The following PRRC2C variants were observed in gnomAD, a reference collection of about 807,000 sequenced individuals.
PRRC2C encodes the protein protein PRRC2C.
In PRRC2C, 72 loss-of-function variants were observed where a neutral mutation model predicts 317.2. The ratio of observed to expected loss-of-function variants is 0.23; its 90% CI spans 0.19 to 0.28. The LOEUF is 0.28. PRRC2C is among the 10% of genes least tolerant of loss of function. The pLI is 1.00. For synonymous variants in PRRC2C, 1,296 were observed against 1,205.9 expected, an observed-to-expected ratio of 1.07 and a Z score of -1.55; for missense variants, 3,074 against 3,459.7, an observed-to-expected ratio of 0.89 and a Z score of 2.80.
At chr1:171,510,325 A>T (rs1217795089) in intron 1 of PRRC2C, 1 of 152,212 alleles carries the variant, frequency 6.6e-6, no homozygotes, top group Non-Finnish European at 1.5e-5. Flanking sequence ...TGCTTGAGTA[A>T]TAATGGTGTT....
intron 31 of PRRC2C, 70 bp downstream of exon 31, chr1:171,587,291 G>A: frequency 7.3e-7 from 1 of 1,378,252 alleles, no homozygotes; most frequent in Non-Finnish European, 9.7e-7. Context: ...ATGCATCTGT[G>A]TTATCTAAAA....
In PRRC2C at chr1:171,504,223, C is replaced by G. The variant is rs141952163; in HGVS notation, c.-57-7809C>G. On this transcript the variant is annotated intron_variant, in intron 1 of 34. Coordinates refer to ENST00000647382, the MANE Select transcript of PRRC2C (RefSeq NM_001387844.1). ...GTTCTTTCTCAGATCTATGATTTGA[C>G]AATTTTTTTTCCAGACTCTAGTTTG... Among the ~76,000 whole-genome samples, 338 of 152,252 alleles carry G rather than the reference C, an allele frequency of 2.2e-3. 1 individual carries two copies. The highest frequency in any genetic ancestry group is 7.9e-3 in the African/African-American group (327 of 41,558).
Position 171,533,644 on chromosome 1 carries a change from A to G in PRRC2C, c.1873+683A>G, listed in dbSNP as rs150974019. On this transcript the variant is annotated intron_variant, in intron 12 of 34. Transcript: ENST00000647382. ...GTGGTGGTGGTTGTTGTTGTTTTTG[A>G]GACAGAGTCTCTCTCTGTCTCCAGG... 4.3e-3 allele frequency among the ~76,000 whole-genome samples: 651 copies of G among 152,124 alleles called. 5 individuals are homozygous for G. The highest frequency in any genetic ancestry group is 0.014 in the African/African-American group (601 of 41,492).
intron 30 of PRRC2C, among the ~76,000 whole-genome samples, chr1:171,584,886 C>A (rs1351987319): frequency 6.6e-6 from 1 of 152,108 alleles, no homozygotes; most frequent in Admixed American, 6.5e-5. Flanking sequence ...ATCCTTGCAC[C>A]GCAGCCTCCT....
chr1:171,582,299 A>G (rs186555472), intron 28 of PRRC2C, among the ~76,000 whole-genome samples: 34 of 152,330 alleles, frequency 2.2e-4, no homozygotes, highest in Admixed American at 2.2e-3. Context: ...TAGGGAGAAC[A>G]GGCCTTTTCA....
chr1:171,553,067 T>C (rs769515053), intron 18 of PRRC2C, among the ~76,000 whole-genome samples: 10 of 152,224 alleles, frequency 6.6e-5, no homozygotes, highest in Non-Finnish European at 8.8e-5. Context: ...TCTGGTAGAA[T>C]TCAGCTCTGA....
chr1:171,532,489 G>A lies in PRRC2C; in HGVS notation c.1401G>A (p.Arg467=), dbSNP rs749052691. Residue 467 remains arginine, a synonymous_variant, in exon 12 of 35, where the codon CGG becomes CGA. Transcript: ENST00000647382. ...CAGCAGTAGAACGTGCTCGTAAACG[G>A]CGTGAAGAGGAAGAGCGAAGAATGG... ...ISAAVERARK[R]REEEERRMEE... is the part of the protein sequence containing the mutation. 7.4e-6 allele frequency: 12 copies of A among 1,612,214 alleles called. No homozygotes were observed. The highest frequency in any genetic ancestry group is 8.5e-6 in the Non-Finnish European group (10 of 1,179,158).
intron 11 of PRRC2C, among the ~76,000 whole-genome samples, chr1:171,531,330 T>A (rs1196818109): frequency 2.0e-5 from 3 of 152,208 alleles, no homozygotes; most frequent in Non-Finnish European, 2.9e-5. Flanking sequence ...TTATGTAAAT[T>A]TTACTTTTAT....
intron 20 of PRRC2C, among the ~76,000 whole-genome samples, chr1:171,562,907 C>CT (rs1277438802): frequency 6.6e-6 from 1 of 152,080 alleles, no homozygotes; most frequent in Non-Finnish European, 1.5e-5. Flanking sequence ...AGTCTTGGGG[C>CT]TTTCTGACTC....
rs189394037 is a variant in PRRC2C, at chr1:171,541,438, T to C, written c.3972T>C (p.Tyr1324=). The part of the protein sequence containing the change: ...RIDNRLLEKP[Y]VRDDDKAKPG... ...ATAATAGACTGCTAGAAAAGCCTTATGTAAGGGATGACGATAAAGCTAAAC... is the reference window on the plus strand; with the variant it reads ...ATAATAGACTGCTAGAAAAGCCTTACGTAAGGGATGACGATAAAGCTAAAC... Residue 1324 remains tyrosine (Y), a synonymous_variant, in exon 16 of 35, where the codon TAT becomes TAC. Coordinates refer to ENST00000647382, the MANE Select transcript of PRRC2C (RefSeq NM_001387844.1). The surrounding 1 kb of genome is among the most constrained non-coding windows in gnomAD (Gnocchi z 4.1). 7.9e-5 allele frequency: 128 copies of C among 1,613,860 alleles called. No homozygotes were observed. The highest frequency in any genetic ancestry group is 5.5e-4 in the Admixed American group (33 of 60,002).
rs558338154 is a variant in PRRC2C at position 171,583,381 on chromosome 1, G to A, written c.7410-575G>A. ...AAACACACACATTAGGCTAGGCTAC[G>A]CAGGGCTAGGATCATCAATATACTT... On this transcript the variant is annotated intron_variant, in intron 28 of 34. Coordinates refer to ENST00000647382, the MANE Select transcript of PRRC2C (RefSeq NM_001387844.1). Among the ~76,000 whole-genome samples, 129 of 151,114 alleles carry A rather than the reference G, an allele frequency of 8.5e-4. 4 individuals are homozygous for A. In the South Asian group the frequency reaches 0.025, roughly 29 times the overall value.
At chr1:171,527,986 C>A in intron 11 of PRRC2C, 142 bp downstream of exon 11, 1 of 635,946 alleles carries the variant, frequency 1.6e-6, no homozygotes, top group Non-Finnish European at 2.8e-6. Context: ...TCTTACTCTT[C>A]ATCCTTTTCA....
intron 6 of PRRC2C, among the ~76,000 whole-genome samples, chr1:171,518,440 T>C (rs1333977888): frequency 6.6e-6 from 1 of 151,106 alleles, no homozygotes; most frequent in Non-Finnish European, 1.5e-5. Flanking sequence ...AGTTTCAAAG[T>C]TTTTATTTGT....
chr1:171,541,912 A>G lies in PRRC2C; in HGVS notation c.4446A>G (p.Thr1482=), dbSNP rs764882718. 1.5e-5 allele frequency: 25 copies of G among 1,613,860 alleles called. No homozygotes were observed. The highest frequency in any genetic ancestry group is 1.6e-5 in the Non-Finnish European group (19 of 1,179,808). Residue 1482 remains threonine (T), a synonymous_variant, in exon 16 of 35, where the codon ACA becomes ACG. Transcript: ENST00000647382. The surrounding 1 kb of genome is among the most constrained non-coding windows in gnomAD (Gnocchi z 4.1). ...TTGGGGATATTTCCGGGAATAAGAC[A>G]CCAGATTTATCTAATCAGAACTCTT... ...NTLGDISGNK[T]PDLSNQNSSD...
chr1:171,546,624 G>C (rs1021878628), intron 17 of PRRC2C, among the ~76,000 whole-genome samples: 2 of 152,154 alleles, frequency 1.3e-5, no homozygotes, highest in African/African-American at 4.8e-5. Flanking sequence ...TTTTGAGACA[G>C]AGACTTACTC....
chr1:171,575,993 C>A (rs1685637145), intron 25 of PRRC2C, among the ~76,000 whole-genome samples: 1 of 152,150 alleles, frequency 6.6e-6, no homozygotes, highest in African/African-American at 2.4e-5. Context: ...TAGGTTTATA[C>A]AAGTTATTTT....
chr1:171,586,524 G>C (rs1000337885), intron 30 of PRRC2C, among the ~76,000 whole-genome samples: 1 of 148,626 alleles, frequency 6.7e-6, no homozygotes, highest in African/African-American at 2.5e-5. Flanking sequence ...AAATATATTA[G>C]TAGATGGATG....
Position 171,592,606 on chromosome 1 carries a change from C to T in PRRC2C, c.*759C>T, listed in dbSNP as rs529300961. On this transcript the variant is annotated 3_prime_UTR_variant, in exon 35 of 35. Transcript: ENST00000647382. ...TCTCCTTTCTTCCATGGAGCTCTCA[C>T]GATTCAAACATGACAGATTTGGTAA... 2 of 152,306 alleles carry T rather than the reference C, an allele frequency of 1.3e-5. No homozygotes were observed. Among genetic ancestry groups the T allele is most frequent in the East Asian group, 1.9e-4 (1 of 5,186 alleles). The allele number at this position is 152,306 out of a possible 1,614,324, so 9.4% of individuals were successfully genotyped here. A position where few individuals can be genotyped will look rare whatever the true frequency, so the allele number is the denominator to read the frequency against.
chr1:171,540,278 G>A lies in PRRC2C; in HGVS notation c.2812G>A (p.Asp938Asn). Residue 938 changes from aspartate (D) to asparagine (N), a missense_variant, in exon 16 of 35, where the codon GAC becomes AAC. Asp to Asn is a conservative substitution (Grantham distance 23). This residue lies in a region of PRRC2C where 1,320 missense variants were observed against 1,395.7 expected (regional missense o/e 0.95). Coordinates refer to ENST00000647382, the MANE Select transcript of PRRC2C (RefSeq NM_001387844.1). ...SHGSNHTQKP[D>N]EQRSEPSAGI... is the part of the protein sequence containing the mutation. ...TGGATCTAACCATACGCAAAAACCA[G>A]ACGAGCAGAGAAGTGAACCATCTGC... 6.2e-7 allele frequency: 1 copy of A among 1,613,788 alleles called. No homozygotes were observed. The highest frequency in any genetic ancestry group is 8.5e-7 in the Non-Finnish European group (1 of 1,179,878).
Sources: allele counts gnomAD v4.1 joint callset (sites outside exome capture counted in the v4.1 genomes callset), GRCh38; gene constraint gnomAD v4.1.1; regional missense constraint gnomAD v4.1.1; non-coding constraint Gnocchi (gnomAD v3.1); transcripts MANE v1.5; gene names NCBI Gene and HGNC (gene_info 2026-07-23, HGNC 2026-07-21).